CTDSPL: variants seen among roughly 807,000 people sequenced by gnomAD.
CTDSPL encodes CTD small phosphatase like.
CTDSPL carries 8 observed loss-of-function variants against 30.5 expected under a neutral mutation model. The observed-to-expected ratio is 0.26, with a 90% CI of 0.15 to 0.47. The LOEUF is 0.47. CTDSPL is among the 20% of genes least tolerant of loss of function. CTDSPL has a pLI of 0.99. For missense variants in CTDSPL, 248 were observed against 366.1 expected, an observed-to-expected ratio of 0.68 and a Z score of 2.63; for synonymous variants, 110 against 137.9, an observed-to-expected ratio of 0.80 and a Z score of 1.42.
chr3:37,862,131 C>A lies in CTDSPL; in HGVS notation c.-69C>A. The A allele has an allele frequency of 2.5e-6, 2 of 805,106 alleles. No homozygotes were observed. Among genetic ancestry groups the A allele is most frequent in the Non-Finnish European group, 3.0e-6 (2 of 670,868 alleles). 49.9% of individuals were successfully genotyped at this position (805,106 alleles called of 1,614,324 possible). On this transcript the variant is annotated 5_prime_UTR_variant, in exon 1 of 8. Transcript: ENST00000273179. This position sits in a 1 kb window ranked among gnomAD's most constrained non-coding sequence, Gnocchi z 4.3. ...CCCCGCGCCGCGCCCCCGCGCCCCCCGCGCCGCGCCCCCGCGCGCTTGGCT... is the reference window on the plus strand; with the variant it reads ...CCCCGCGCCGCGCCCCCGCGCCCCCAGCGCCGCGCCCCCGCGCGCTTGGCT...
In CTDSPL at chr3:37,968,803, C is replaced by T. The variant is rs112161717; in HGVS notation, c.426+921C>T. On this transcript the variant is annotated intron_variant, in intron 5 of 7. Coordinates refer to ENST00000273179, the MANE Select transcript of CTDSPL (RefSeq NM_001008392.2). ...TTGTCTAGATGGAGAAACTGAGGCTCCGCCAGGGAAGGGGTTGGTTAAAGG... is the reference window on the plus strand; with the variant it reads ...TTGTCTAGATGGAGAAACTGAGGCTTCGCCAGGGAAGGGGTTGGTTAAAGG... Among the ~76,000 whole-genome samples, 1,268 of 152,274 alleles carry T rather than the reference C, an allele frequency of 8.3e-3. 17 individuals are homozygous for T. Among genetic ancestry groups the T allele is most frequent in the African/African-American group, 0.027 (1,134 of 41,534 alleles).
chr3:37,942,287 C>G (rs1189320031), intron 1 of CTDSPL, among the ~76,000 whole-genome samples: 1 of 150,440 alleles, frequency 6.6e-6, no homozygotes, highest in African/African-American at 2.4e-5. Context: ...ATCCAGCGTT[C>G]CTGGAGAACC....
At chr3:37,886,792 G>A (rs777517488) in intron 1 of CTDSPL, among the ~76,000 whole-genome samples, 43 of 152,194 alleles carry the variant, frequency 2.8e-4, no homozygotes, top group Non-Finnish European at 5.6e-4. Flanking sequence ...GAATATATCA[G>A]ATTTACCTGG....
chr3:37,939,317 A>C (rs1698951689), intron 1 of CTDSPL, among the ~76,000 whole-genome samples: 1 of 150,258 alleles, frequency 6.7e-6, no homozygotes, highest in South Asian at 2.2e-4. Context: ...TATTGTTGCT[A>C]CGGAGGTAGG....
intron 1 of CTDSPL, among the ~76,000 whole-genome samples, chr3:37,877,099 C>G (rs1442671770): frequency 1.5e-5 from 2 of 137,880 alleles, no homozygotes; most frequent in African/African-American, 5.5e-5. Flanking sequence ...CAGTGAGACT[C>G]TGTCTCAAAA....
chr3:37,883,409 A>C (rs1395324659), intron 1 of CTDSPL, among the ~76,000 whole-genome samples: 1 of 152,218 alleles, frequency 6.6e-6, no homozygotes, highest in African/African-American at 2.4e-5. Flanking sequence ...GGAGTCCATG[A>C]ACTTAGACAA....
intron 4 of CTDSPL, 49 bp downstream of exon 4, chr3:37,964,721 A>G (rs774221420): frequency 3.6e-6 from 5 of 1,403,784 alleles, no homozygotes; most frequent in Non-Finnish European, 5.0e-6. Flanking sequence ...TTTGATAACA[A>G]TTGTATTGGA....
chr3:37,934,423 T>A (rs1210686152), intron 1 of CTDSPL, among the ~76,000 whole-genome samples: 1 of 152,210 alleles, frequency 6.6e-6, no homozygotes, highest in Non-Finnish European at 1.5e-5. Context: ...ACAAACACTT[T>A]TGAATTCTTA....
intron 1 of CTDSPL, among the ~76,000 whole-genome samples, chr3:37,946,133 G>A (rs981361328): frequency 6.6e-6 from 1 of 152,260 alleles, no homozygotes; most frequent in Non-Finnish European, 1.5e-5. Flanking sequence ...ATGGCATGTG[G>A]TGGGACAGTC....
rs552498753 is a variant in CTDSPL at position 37,871,854 on chromosome 3, G to C, written c.79+9576G>C. On this transcript the variant is annotated intron_variant, in intron 1 of 7. Transcript: ENST00000273179. ...TCAGTTGGGTAATTTCTGTTGTTCTGTCTTCAAATTTGTTGGGTTTTTTTC... is the reference window on the plus strand; with the variant it reads ...TCAGTTGGGTAATTTCTGTTGTTCTCTCTTCAAATTTGTTGGGTTTTTTTC... Among the ~76,000 whole-genome samples the C allele has an allele frequency of 3.9e-5, 6 of 152,144 alleles. No individual in the cohort carries two copies. In the South Asian group the frequency reaches 1.2e-3, roughly 32 times the overall value.
chr3:37,914,873 C>CTTTTTTTT lies in CTDSPL; in HGVS notation c.80-32166_80-32159dup, dbSNP rs11304152. 1.2e-3 allele frequency among the ~76,000 whole-genome samples: 59 copies of CTTTTTTTT among 51,282 alleles called. 7 individuals are homozygous for CTTTTTTTT. Among genetic ancestry groups the CTTTTTTTT allele is most frequent in the South Asian group, 2.9e-3 (3 of 1,024 alleles). The allele number at this position is 51,282 out of a possible 152,430, so 33.6% of individuals were successfully genotyped here. Reference sequence around the variant, plus strand: ...AGAGTTTATATAAGATATATATGTTCTTTTTTTTTTTTTTTTTTTTTTTTT... The same window carrying CTTTTTTTT: ...AGAGTTTATATAAGATATATATGTTCTTTTTTTTTTTTTTTTTTTTTTTTTTTTTTTTT... On this transcript the variant is annotated intron_variant, in intron 1 of 7. Transcript: ENST00000273179.
intron 4 of CTDSPL, among the ~76,000 whole-genome samples, chr3:37,965,663 C>G (rs1414638125): frequency 6.6e-6 from 1 of 152,198 alleles, no homozygotes; most frequent in Non-Finnish European, 1.5e-5. Flanking sequence ...TCATTCCTTA[C>G]AAGTTGTAGG....
At chr3:37,900,319 A>G (rs1307517150) in intron 1 of CTDSPL, among the ~76,000 whole-genome samples, 1 of 152,188 alleles carries the variant, frequency 6.6e-6, no homozygotes, top group African/African-American at 2.4e-5. Flanking sequence ...CTAATACGAA[A>G]CATGTATACA....
intron 1 of CTDSPL, among the ~76,000 whole-genome samples, chr3:37,865,880 C>G (rs1202491803): frequency 6.6e-6 from 1 of 152,020 alleles, no homozygotes; most frequent in Non-Finnish European, 1.5e-5. Flanking sequence ...CATGGCTACC[C>G]CTTGCTGCAA....
chr3:37,942,374 G>A (rs1166604746), intron 1 of CTDSPL, among the ~76,000 whole-genome samples: 4 of 150,530 alleles, frequency 2.7e-5, no homozygotes, highest in African/African-American at 9.7e-5. Context: ...TGGGTGTGGT[G>A]CCTCACAACT....
Position 37,961,993 on chromosome 3 carries a change from G to A in CTDSPL, c.268-2578G>A, listed in dbSNP as rs115550405. ...ATTCCCAAACCGTGGATGGCAAGCC[G>A]TGGTCCCTTCCTCCTCCACCCACCC... On this transcript the variant is annotated intron_variant, in intron 3 of 7. Transcript: ENST00000273179. Among the ~76,000 whole-genome samples, 630 of 152,312 alleles carry A rather than the reference G, an allele frequency of 4.1e-3. 4 individuals are homozygous for A. The highest frequency in any genetic ancestry group is 0.014 in the African/African-American group (592 of 41,570).
chr3:37,981,400 G>GA lies in CTDSPL; in HGVS notation c.*533_*534insA. 1 of 168,946 alleles carries GA rather than the reference G, an allele frequency of 5.9e-6. No homozygotes were observed. The highest frequency in any genetic ancestry group is 5.9e-5 in the Admixed American group (1 of 17,010). 10.5% of individuals were successfully genotyped at this position (168,946 alleles called of 1,614,324 possible). ...AATTTTCTAGAACCTGGTAGCGTGT[G>GA]TGTGTGTGGCGGGGGGTGCTGAGGG... On this transcript the variant is annotated 3_prime_UTR_variant, in exon 8 of 8. Coordinates refer to ENST00000273179, the MANE Select transcript of CTDSPL (RefSeq NM_001008392.2).
intron 1 of CTDSPL, among the ~76,000 whole-genome samples, chr3:37,907,335 C>A (rs1559630246): frequency 1.3e-5 from 2 of 152,168 alleles, no homozygotes; most frequent in African/African-American, 4.8e-5. Flanking sequence ...CATTTTTAAA[C>A]CTATACATTC....
chr3:37,960,326 C>A (rs1239161470), intron 3 of CTDSPL, among the ~76,000 whole-genome samples: 1 of 151,082 alleles, frequency 6.6e-6, no homozygotes, highest in Non-Finnish European at 1.5e-5. Context: ...ACTAAAAATA[C>A]AAAATTAGCC....
Sources: gnomAD v4.1 joint callset for allele counts (sites outside exome capture counted in the v4.1 genomes callset) on GRCh38, gnomAD v4.1.1 for gene constraint, Gnocchi (gnomAD v3.1) non-coding constraint, MANE v1.5 for transcripts, NCBI Gene and HGNC (gene_info 2026-07-23, HGNC 2026-07-21) for gene names.